KIF1B: variants seen among roughly 807,000 people sequenced by gnomAD.
The protein encoded by KIF1B is kinesin family member 1B.
A neutral mutation model predicts 241.9 loss-of-function variants in KIF1B; 76 were observed. The observed-to-expected ratio is 0.31, with a 90% CI of 0.26 to 0.38. KIF1B has a LOEUF of 0.38. Among genes scored for constraint, KIF1B ranks in the 10% least tolerant of loss-of-function variants. The pLI, the probability that KIF1B is intolerant of heterozygous loss-of-function variation, is 1.00. For synonymous variants in KIF1B, 750 were observed against 796.7 expected (o/e 0.94, Z 0.99); for missense variants, 1,622 against 2,271.4 (o/e 0.71, Z 5.81).
At chr1:10,212,888 G>GTGTA (rs1553159246) in intron 1 of KIF1B, among the ~76,000 whole-genome samples, 1 of 60,326 alleles carries the variant, frequency 1.7e-5, no homozygotes, top group Admixed American at 1.8e-4. Context: ...GCATGCGTGT[G>GTGTA]TGTATATATA....
At chr1:10,272,428 C>T (rs1390983204) in intron 9 of KIF1B, 122 bp downstream of exon 9, 1 of 738,872 alleles carries the variant, frequency 1.4e-6, no homozygotes. Flanking sequence ...TTGCCTTTCT[C>T]CTTTTAGAGC....
At chr1:10,241,546 T>G (rs889637156) in intron 2 of KIF1B, among the ~76,000 whole-genome samples, 1 of 152,246 alleles carries the variant, frequency 6.6e-6, no homozygotes, top group African/African-American at 2.4e-5. Context: ...TTTAATAAGC[T>G]TCTTTACCTA....
intron 43 of KIF1B, among the ~76,000 whole-genome samples, chr1:10,367,930 T>C (rs748249230): frequency 1.3e-5 from 2 of 151,990 alleles, no homozygotes; most frequent in Non-Finnish European, 2.9e-5. Flanking sequence ...GGTTTCACCA[T>C]GTTGGCCAGG....
intron 2 of KIF1B, among the ~76,000 whole-genome samples, chr1:10,245,870 C>G (rs561676480): frequency 6.6e-6 from 1 of 152,284 alleles, no homozygotes; most frequent in Admixed American, 6.5e-5. Context: ...TTTCTTGGCT[C>G]TTAGTACCCC....
intron 2 of KIF1B, among the ~76,000 whole-genome samples, chr1:10,238,993 T>C (rs961472196): frequency 2.6e-5 from 4 of 152,102 alleles, no homozygotes; most frequent in South Asian, 2.1e-4. Flanking sequence ...CTGTCACCCA[T>C]GCTGGAGTGC....
chr1:10,331,796 G>A (rs1295106444), intron 27 of KIF1B, among the ~76,000 whole-genome samples: 1 of 152,204 alleles, frequency 6.6e-6, no homozygotes, highest in African/African-American at 2.4e-5. Context: ...ATCATAGTAG[G>A]AACTAGATTC....
At position 10,303,716 on chromosome 1, in the gene KIF1B, T is replaced by C; in HGVS notation, c.2115+6470T>C. The C allele has an allele frequency of 6.2e-7, 1 of 1,614,088 alleles. No homozygotes were observed. Among genetic ancestry groups the C allele is most frequent in the Non-Finnish European group, 8.5e-7 (1 of 1,180,022 alleles). Reference sequence around the variant, plus strand: ...CAAAATAACATGAAAGACGAGGAGATAAAAGTCTTAAGAAATAAAATGCTC... The same window carrying C: ...CAAAATAACATGAAAGACGAGGAGACAAAAGTCTTAAGAAATAAAATGCTC... On this transcript the variant is annotated intron_variant, in intron 22 of 48. Coordinates refer to ENST00000676179, the MANE Select transcript of KIF1B (RefSeq NM_001365951.3). The surrounding 1 kb of genome is among the most constrained non-coding windows in gnomAD (Gnocchi z 5.2).
At position 10,381,071 on chromosome 1, in the gene KIF1B, T is replaced by C. The variant is rs1308284397; in HGVS notation, c.*4484T>C. On this transcript the variant is annotated 3_prime_UTR_variant, in exon 49 of 49. Coordinates refer to ENST00000676179, the MANE Select transcript of KIF1B (RefSeq NM_001365951.3). ...CTCAGATGGAAAGTCTGAGCTGAGG[T>C]TGGTCTCTTGCCAAACCGTGGCTGT... is the stretch of plus-strand genomic sequence containing the variant. 4 of 223,312 alleles carry C rather than the reference T, an allele frequency of 1.8e-5. No homozygotes were observed. The East Asian group carries it at 2.0e-4, about 11-fold the overall frequency. The allele number at this position is 223,312 out of a possible 1,614,324, so 13.8% of individuals were successfully genotyped here.
chr1:10,356,467 C>G (rs865880797), intron 38 of KIF1B, among the ~76,000 whole-genome samples: 19 of 152,140 alleles, frequency 1.2e-4, no homozygotes, highest in African/African-American at 4.6e-4. Context: ...TTCAGAGATT[C>G]TCCTAATGAA....
chr1:10,328,369 G>C (rs1338496361), intron 27 of KIF1B, among the ~76,000 whole-genome samples: 1 of 152,112 alleles, frequency 6.6e-6, no homozygotes. Context: ...ACAGTCTCTG[G>C]GTTTTCCAGT....
At position 10,376,856 on chromosome 1, in the gene KIF1B, C is replaced by A; in HGVS notation, c.*269C>A. 2.2e-6 allele frequency: 1 copy of A among 463,752 alleles called. No homozygotes were observed. The highest frequency in any genetic ancestry group is 2.1e-5 in the South Asian group (1 of 47,790). The allele number at this position is 463,752 out of a possible 1,614,324, so 28.7% of individuals were successfully genotyped here. On this transcript the variant is annotated 3_prime_UTR_variant, in exon 49 of 49. Coordinates refer to ENST00000676179, the MANE Select transcript of KIF1B (RefSeq NM_001365951.3). ...TTAAACACACACACACACACACACA[C>A]ACACACACACATACACAGACAAAAA...
chr1:10,256,057 G>C (rs1284727914), intron 2 of KIF1B, among the ~76,000 whole-genome samples, 190 bp from the exon 3 acceptor site: 2 of 151,574 alleles, frequency 1.3e-5, no homozygotes, highest in East Asian at 3.9e-4. Flanking sequence ...GATCCACCCA[G>C]CTCGGACTCT....
intron 2 of KIF1B, among the ~76,000 whole-genome samples, chr1:10,235,186 G>A (rs1023948789): frequency 6.6e-6 from 1 of 151,650 alleles, no homozygotes; most frequent in Non-Finnish European, 1.5e-5. Context: ...CACCGTGCTC[G>A]GCCAAAATAA....
Position 10,292,017 on chromosome 1 carries a change from A to T in KIF1B, c.1515-30A>T, listed in dbSNP as rs747730842. The stretch of plus-strand genomic sequence containing the variant: ...CTGATTTAATTGACATTTTGGTATT[A>T]GTGTTCTGATATACCTGTTTTTTTC... On this transcript the variant is annotated intron_variant, in intron 16 of 48. Transcript: ENST00000676179. The T allele has an allele frequency of 8.6e-5, 136 of 1,572,886 alleles. No individual in the cohort carries two copies. In the South Asian group the frequency reaches 1.4e-3, roughly 16 times the overall value.
At chr1:10,288,595 T>C (rs1263639524) in intron 15 of KIF1B, among the ~76,000 whole-genome samples, 2 of 152,172 alleles carry the variant, frequency 1.3e-5, no homozygotes, top group Admixed American at 6.5e-5. Context: ...TAAGTATAAC[T>C]CTTTTCTGAA....
intron 2 of KIF1B, among the ~76,000 whole-genome samples, chr1:10,239,869 C>T (rs2102146163): frequency 6.6e-6 from 1 of 151,780 alleles, no homozygotes; most frequent in South Asian, 2.1e-4. Context: ...GGGTTCATGC[C>T]ATTCTCCTGC....
intron 2 of KIF1B, among the ~76,000 whole-genome samples, chr1:10,245,272 G>A (rs1015693433): frequency 9.9e-5 from 15 of 152,190 alleles, no homozygotes; most frequent in Non-Finnish European, 1.2e-4. Flanking sequence ...AGAAAAGGGG[G>A]TAAAATTAGG....
chr1:10,244,729 C>T (rs1435164126), intron 2 of KIF1B, among the ~76,000 whole-genome samples: 3 of 151,808 alleles, frequency 2.0e-5, no homozygotes, highest in South Asian at 4.1e-4. Context: ...TCTCCTGCCT[C>T]GGCCTCCCGA....
intron 22 of KIF1B, chr1:10,306,207 C>A: frequency 9.6e-7 from 1 of 1,039,842 alleles, no homozygotes; most frequent in Non-Finnish European, 1.2e-6. Flanking sequence ...GCTTTCATAG[C>A]TAGAACAGTT....
Sources: allele counts gnomAD v4.1 joint callset (sites outside exome capture counted in the v4.1 genomes callset), GRCh38; gene constraint gnomAD v4.1.1; non-coding constraint Gnocchi (gnomAD v3.1); transcripts MANE v1.5; gene names NCBI Gene and HGNC (gene_info 2026-07-23, HGNC 2026-07-21).